Variants in REV3L observed in about 807,000 individuals in gnomAD.
REV3L encodes the protein DNA polymerase zeta catalytic subunit.
In REV3L, 69 loss-of-function variants were observed where a neutral mutation model predicts 299.4. That is an observed-to-expected ratio of 0.23 (90% CI 0.19 to 0.28). The LOEUF (loss-of-function observed/expected upper bound fraction) is 0.28, where lower values mean the gene tolerates loss of function less well. Among genes scored for constraint, REV3L ranks in the 10% least tolerant of loss-of-function variants. The probability of loss-of-function intolerance (pLI) is 1.00; values close to 1 mark genes in which losing one functional copy is unlikely to be tolerated. For missense variants in REV3L, 3,128 were observed against 3,693.8 expected, an observed-to-expected ratio of 0.85 and a Z score of 3.97; for synonymous variants, 1,238 against 1,271.4, an observed-to-expected ratio of 0.97 and a Z score of 0.56.
chr6:111,427,096 A>T (rs1786266599), intron 1 of REV3L, among the ~76,000 whole-genome samples: 1 of 152,218 alleles, frequency 6.6e-6, no homozygotes, highest in Admixed American at 6.5e-5. Flanking sequence ...AATTTAAAGC[A>T]ATATCAAAAG....
chr6:111,414,364 T>C (rs1400506927), intron 2 of REV3L, among the ~76,000 whole-genome samples: 1 of 152,054 alleles, frequency 6.6e-6, no homozygotes, highest in Admixed American at 6.5e-5. Context: ...GCAGAGGAAC[T>C]GAGAGAAAGT....
intron 2 of REV3L, among the ~76,000 whole-genome samples, chr6:111,415,082 T>C (rs925893044): frequency 6.6e-6 from 1 of 152,324 alleles, no homozygotes; most frequent in African/African-American, 2.4e-5. Context: ...CTCAAAATCA[T>C]GTAATAACTT....
chr6:111,431,273 C>T, intron 1 of REV3L: 1 of 1,454,968 alleles, frequency 6.9e-7, no homozygotes, highest in Admixed American at 1.7e-5. Flanking sequence ...ATGTCACTGC[C>T]TGAAGATGGA....
chr6:111,420,728 C>T (rs556143650), intron 1 of REV3L, among the ~76,000 whole-genome samples: 38 of 152,226 alleles, frequency 2.5e-4, no homozygotes, highest in Non-Finnish European at 4.4e-4. Flanking sequence ...TGGCAAAACT[C>T]TGTGGAGCTG....
At chr6:111,427,801 C>T (rs1786363643) in intron 1 of REV3L, among the ~76,000 whole-genome samples, 1 of 151,962 alleles carries the variant, frequency 6.6e-6, no homozygotes, top group East Asian at 1.9e-4. Flanking sequence ...AGAAATAATC[C>T]CTGAAAACCA....
chr6:111,327,596 A>AT (rs1774974634), intron 25 of REV3L, among the ~76,000 whole-genome samples: 1 of 151,960 alleles, frequency 6.6e-6, no homozygotes, highest in South Asian at 2.1e-4. Flanking sequence ...TACATTAGTA[A>AT]TATCATTTCC....
chr6:111,422,434 TTAAGTG>T (rs1582927599), intron 1 of REV3L, among the ~76,000 whole-genome samples: 1 of 151,478 alleles, frequency 6.6e-6, no homozygotes, highest in African/African-American at 2.4e-5. Context: ...CAGAAGATGT[TTAAGTG>T]TATTTCCTAG....
chr6:111,319,829 CT>C (rs753138766), intron 26 of REV3L, among the ~76,000 whole-genome samples: 168 of 144,236 alleles, frequency 1.2e-3, no homozygotes, highest in Middle Eastern at 3.6e-3. Context: ...TTGGGAACTC[CT>C]TTTTTTTTTT....
intron 1 of REV3L, among the ~76,000 whole-genome samples, chr6:111,438,856 C>T (rs921978636): frequency 6.6e-6 from 1 of 152,088 alleles, no homozygotes; most frequent in African/African-American, 2.4e-5. Flanking sequence ...GGCAAAAACA[C>T]ATTAACTAAA....
rs1019338991 is a variant in REV3L, at chr6:111,375,974, G to A, written c.2381C>T (p.Ala794Val). 1 of 1,613,924 alleles carries A rather than the reference G, an allele frequency of 6.2e-7. No individual in the cohort carries two copies. The highest frequency in any genetic ancestry group is 8.5e-7 in the Non-Finnish European group (1 of 1,179,906). ...AACACTGGGAAAAAACATATAGTGT[G>A]CTGCTTGCTGGCTGAGGCTTGGCTT... ...TEKPSLSQQA[A>V]HYMFFPSVVL... The change falls in exon 13 of 32, where the codon GCA becomes GTA. Residue 794 changes from alanine to valine, a missense_variant. By Grantham distance (64) the Ala-to-Val change is moderately conservative. Transcript: ENST00000368802.
chr6:111,424,957 T>C (rs906231417), intron 1 of REV3L, among the ~76,000 whole-genome samples: 2 of 151,966 alleles, frequency 1.3e-5, no homozygotes, highest in Non-Finnish European at 2.9e-5. Context: ...TTTGATACAG[T>C]TAAGGGAATT....
In REV3L at chr6:111,374,642, T is replaced by A; in HGVS notation, c.3713A>T (p.Glu1238Val). Residue 1238 changes from glutamate to valine, a missense_variant, in exon 13 of 32, where the codon GAG (glutamate) becomes GTG (valine). Glu to Val is a moderately radical substitution (Grantham distance 121). Around this residue, in one of 9 missense-constraint regions of REV3L, gnomAD observed 2,409 missense variants for 2,611.8 expected, o/e 0.92. Coordinates refer to ENST00000368802, the MANE Select transcript of REV3L (RefSeq NM_001372078.1). ...DEKIKSQSGA[E>V]VKFVLKHQNV... The stretch of plus-strand genomic sequence containing the variant: ...CTGGTGTTTCAGTACAAACTTAACC[T>A]CAGCACCAGACTGAGATTTTATTTT... 1 of 1,613,724 alleles carries A rather than the reference T, an allele frequency of 6.2e-7. No individual in the cohort carries two copies.
chr6:111,405,530 G>T lies in REV3L; in HGVS notation c.505C>A (p.Leu169Ile). 1.2e-6 allele frequency: 2 copies of T among 1,609,410 alleles called. No homozygotes were observed. The change falls in exon 4 of 32, where the codon CTT (leucine) becomes ATT (isoleucine). Residue 169 changes from leucine to isoleucine, a missense_variant. Physicochemically the swap from Leu to Ile is conservative, Grantham distance 5. This residue lies in a region of REV3L where 2,409 missense variants were observed against 2,611.8 expected (regional missense o/e 0.92). Transcript: ENST00000368802. Reference protein sequence around the residue: ...YLLQLFIDYNLYGMNLINLAA... With the variant: ...YLLQLFIDYNIYGMNLINLAA... ...AGATTTATTAAATTCATGCCATAAA[G>T]ATTGTAGTCAATGAAGAGCTGTAGG...
chr6:111,311,402 A>C (rs866980630), intron 28 of REV3L, 143 bp from the exon 29 acceptor site: 1 of 492,488 alleles, frequency 2.0e-6, no homozygotes, highest in Non-Finnish European at 3.4e-6. Flanking sequence ...TGGGATAATA[A>C]AATTATTAAA....
chr6:111,323,511 T>C (rs1774430903), intron 25 of REV3L, among the ~76,000 whole-genome samples: 1 of 152,182 alleles, frequency 6.6e-6, no homozygotes, highest in Non-Finnish European at 1.5e-5. Context: ...AACTGTTCAA[T>C]TTAAATTAAA....
At chr6:111,471,547 G>A (rs963266990) in intron 1 of REV3L, among the ~76,000 whole-genome samples, 1 of 152,118 alleles carries the variant, frequency 6.6e-6, no homozygotes, top group Non-Finnish European at 1.5e-5. Flanking sequence ...GATAAGACAG[G>A]TAAAGAAAGT....
At chr6:111,338,947 C>G (rs1007287809) in intron 21 of REV3L, among the ~76,000 whole-genome samples, 16 of 152,082 alleles carry the variant, frequency 1.1e-4, no homozygotes, top group African/African-American at 3.9e-4. Context: ...CAAATTGTGG[C>G]TCTACTGCAA....
At chr6:111,355,434 T>A (rs1450377147) in intron 18 of REV3L, among the ~76,000 whole-genome samples, 1 of 152,156 alleles carries the variant, frequency 6.6e-6, no homozygotes, top group Non-Finnish European at 1.5e-5. Context: ...ACAAATAGGG[T>A]GAAAGAATGA....
intron 1 of REV3L, among the ~76,000 whole-genome samples, chr6:111,460,837 T>G (rs549544337): frequency 6.6e-6 from 1 of 152,260 alleles, no homozygotes; most frequent in Non-Finnish European, 1.5e-5. Flanking sequence ...ACATATATAA[T>G]GGTGGTCCCA....
Sources: gnomAD v4.1 joint callset for allele counts (sites outside exome capture counted in the v4.1 genomes callset) on GRCh38, gnomAD v4.1.1 for gene constraint, gnomAD v4.1.1 regional missense constraint, MANE v1.5 for transcripts, NCBI Gene and HGNC (gene_info 2026-07-23, HGNC 2026-07-21) for gene names.